The following UBXN4 variants were observed in gnomAD, a reference collection of about 807,000 sequenced individuals.
The protein encoded by UBXN4 is UBX domain-containing protein 4.
A neutral mutation model predicts 66.2 loss-of-function variants in UBXN4; 35 were observed. That is an observed-to-expected ratio of 0.53 (90% CI 0.40 to 0.70). UBXN4 has a LOEUF of 0.70. Among genes scored for constraint, UBXN4 ranks in the 30% least tolerant of loss-of-function variants. UBXN4 has a pLI of 0.00. For synonymous variants in UBXN4, 203 were observed against 204.5 expected (o/e 0.99, Z 0.06); for missense variants, 533 against 599.8 (o/e 0.89, Z 1.16).
chr2:135,753,591 T>A, intron 3 of UBXN4, 24 bp downstream of exon 3: 1 of 1,509,674 alleles, frequency 6.6e-7, no homozygotes, highest in Non-Finnish European at 8.8e-7. Flanking sequence ...AAAGAATGGC[T>A]TATATATATA....
intron 1 of UBXN4, chr2:135,747,602 A>G: frequency 2.2e-6 from 1 of 456,584 alleles, no homozygotes; most frequent in Non-Finnish European, 4.4e-6. Context: ...TGAACTCAAC[A>G]GAAAGGTGCC....
rs146281471 is a variant in UBXN4 at position 135,744,259 on chromosome 2, C to T, written c.82+2248C>T. On this transcript the variant is annotated intron_variant, in intron 1 of 12. Coordinates refer to ENST00000272638, the MANE Select transcript of UBXN4 (RefSeq NM_014607.4). Reference sequence around the variant, plus strand: ...TGGAAGACGTGATCTCAAGAGTACACTTTGGTTCATAGAACTGTTCAAGTG... The same window carrying T: ...TGGAAGACGTGATCTCAAGAGTACATTTTGGTTCATAGAACTGTTCAAGTG... 1.6e-4 allele frequency among the ~76,000 whole-genome samples: 24 copies of T among 152,252 alleles called. No homozygotes were observed. In the East Asian group the frequency reaches 4.4e-3, roughly 28 times the overall value.
chr2:135,759,466 T>C (rs1040350480), intron 5 of UBXN4, among the ~76,000 whole-genome samples: 14 of 152,172 alleles, frequency 9.2e-5, no homozygotes, highest in Non-Finnish European at 1.8e-4. Context: ...CCTGGTAGTT[T>C]TTCCTATAGT....
chr2:135,767,440 C>A (rs929568024), intron 6 of UBXN4, among the ~76,000 whole-genome samples: 3 of 152,142 alleles, frequency 2.0e-5, no homozygotes, highest in Admixed American at 6.5e-5. Flanking sequence ...TGGATTCCCT[C>A]CATAAGATGA....
chr2:135,742,636 T>C (rs1330439865), intron 1 of UBXN4: 1 of 152,324 alleles, frequency 6.6e-6, no homozygotes, highest in Non-Finnish European at 1.5e-5. Flanking sequence ...TTGTAATTAG[T>C]TGTGGACTGT....
intron 1 of UBXN4, among the ~76,000 whole-genome samples, chr2:135,746,895 G>A (rs1276264487): frequency 6.7e-6 from 1 of 149,390 alleles, no homozygotes; most frequent in Non-Finnish European, 1.5e-5. Context: ...TTTTTTTTTA[G>A]AGAAAGTTGC....
intron 9 of UBXN4, among the ~76,000 whole-genome samples, chr2:135,774,806 C>G (rs1190328583): frequency 2.6e-5 from 4 of 151,172 alleles, no homozygotes; most frequent in African/African-American, 9.8e-5. Context: ...GATTGCGCCA[C>G]TGCACTCCAG....
Position 135,769,821 on chromosome 2 carries a change from C to G in UBXN4, c.655C>G (p.Gln219Glu), listed in dbSNP as rs776404287. Residue 219 changes from glutamine to glutamate, a missense_variant and splice_region_variant, in exon 7 of 13, where the codon CAG becomes GAG. Coordinates refer to ENST00000272638, the MANE Select transcript of UBXN4 (RefSeq NM_014607.4). ...AGAAGAGAAAAGAAAAGAGGAAGAACAGGTAAAGTTCATGCAGTTAGCATT... is the reference window on the plus strand; with the variant it reads ...AGAAGAGAAAAGAAAAGAGGAAGAAGAGGTAAAGTTCATGCAGTTAGCATT... ...RREEKRKEEE[Q>E]REIKKEIERR... is the part of the protein sequence containing the mutation. 6.3e-7 allele frequency: 1 copy of G among 1,591,412 alleles called. No individual in the cohort carries two copies. The highest frequency in any genetic ancestry group is 8.5e-7 in the Non-Finnish European group (1 of 1,171,124).
chr2:135,744,979 C>G (rs1311072993), intron 1 of UBXN4, among the ~76,000 whole-genome samples: 2 of 152,162 alleles, frequency 1.3e-5, no homozygotes, highest in African/African-American at 4.8e-5. Context: ...ATCTGGGACC[C>G]TAATCACATG....
At chr2:135,749,545 A>G (rs1196282143) in intron 2 of UBXN4, among the ~76,000 whole-genome samples, 1 of 152,128 alleles carries the variant, frequency 6.6e-6, no homozygotes, top group African/African-American at 2.4e-5. Context: ...ACCTCCACCC[A>G]TTTCCACTCA....
At chr2:135,742,154 C>G (rs2077178757) in intron 1 of UBXN4, 143 bp downstream of exon 1, 2 of 975,390 alleles carry the variant, frequency 2.1e-6, no homozygotes, top group South Asian at 3.3e-5. Context: ...ACCCCGCGCC[C>G]CAGGGACGGC....
chr2:135,766,966 A>G (rs2077352027), intron 6 of UBXN4, among the ~76,000 whole-genome samples: 1 of 152,140 alleles, frequency 6.6e-6, no homozygotes, highest in East Asian at 1.9e-4. Flanking sequence ...CTGTAGAGAA[A>G]TGCTTTGATC....
intron 10 of UBXN4, among the ~76,000 whole-genome samples, chr2:135,777,357 CT>C (rs1440229673): frequency 6.6e-6 from 1 of 152,100 alleles, no homozygotes; most frequent in East Asian, 1.9e-4. Flanking sequence ...TCCGCCAGAC[CT>C]TTTCTCCACA....
chr2:135,761,621 T>C (rs1477369188), intron 5 of UBXN4, among the ~76,000 whole-genome samples, 197 bp from the exon 6 acceptor site: 1 of 152,222 alleles, frequency 6.6e-6, no homozygotes, highest in Non-Finnish European at 1.5e-5. Context: ...CTGCTTTATT[T>C]CTATTTGTGA....
chr2:135,744,257 C>T (rs2077193772), intron 1 of UBXN4, among the ~76,000 whole-genome samples: 1 of 152,164 alleles, frequency 6.6e-6, no homozygotes, highest in Non-Finnish European at 1.5e-5. Context: ...CTCAAGAGTA[C>T]ACTTTGGTTC....
At chr2:135,748,961 A>G (rs540911337) in intron 2 of UBXN4, among the ~76,000 whole-genome samples, 1 of 152,062 alleles carries the variant, frequency 6.6e-6, no homozygotes, top group Admixed American at 6.6e-5. Context: ...ACTTGAGCCC[A>G]GGAGGTTGAA....
intron 10 of UBXN4, among the ~76,000 whole-genome samples, chr2:135,778,739 T>G (rs2105509529): frequency 6.6e-6 from 1 of 152,364 alleles, no homozygotes; most frequent in South Asian, 2.1e-4. Context: ...TGGTCATCTT[T>G]GAGTTACAGA....
chr2:135,749,326 A>T (rs2077228527), intron 2 of UBXN4, among the ~76,000 whole-genome samples: 2 of 152,216 alleles, frequency 1.3e-5, no homozygotes, highest in South Asian at 4.1e-4. Flanking sequence ...TCATTTAATC[A>T]GTGGAAATAA....
chr2:135,744,275 TGTTCAA>T (rs1468191365), intron 1 of UBXN4, among the ~76,000 whole-genome samples: 1 of 152,244 alleles, frequency 6.6e-6, no homozygotes, highest in Non-Finnish European at 1.5e-5. Context: ...TTCATAGAAC[TGTTCAA>T]GTGGGAAACG....
Sources: gnomAD v4.1 joint callset for allele counts (sites outside exome capture counted in the v4.1 genomes callset) on GRCh38, gnomAD v4.1.1 for gene constraint, MANE v1.5 for transcripts, NCBI Gene and HGNC (gene_info 2026-07-23, HGNC 2026-07-21) for gene names.